Variants in PARP1 observed in about 807,000 individuals in gnomAD.
PARP1 encodes the protein poly [ADP-ribose] polymerase 1.
In PARP1, 44 loss-of-function variants were observed where a neutral mutation model predicts 118.7. The ratio of observed to expected loss-of-function variants is 0.37; its 90% CI spans 0.29 to 0.48. PARP1 has a LOEUF of 0.48. Ranked by LOEUF, PARP1 falls within the 20% of genes least tolerant of loss-of-function variation. The pLI, the probability that PARP1 is intolerant of heterozygous loss-of-function variation, is 0.99. For synonymous variants in PARP1, 492 were observed against 483.2 expected (o/e 1.02, Z -0.24); for missense variants, 1,100 against 1,272.4 (o/e 0.86, Z 2.06).
At position 226,382,890 on chromosome 1, in the gene PARP1, C is replaced by G. The variant is rs1664645473; in HGVS notation, c.1159+146G>C. On this transcript the variant is annotated intron_variant, in intron 8 of 22. Coordinates refer to ENST00000366794, the MANE Select transcript of PARP1 (RefSeq NM_001618.4). ...AACAAGCCAAGAGAAGAGGCCTATC[C>G]CCTGCAGGGCAAGGCTTCCCCATGG... 1.5e-5 allele frequency: 13 copies of G among 845,704 alleles called. No homozygotes were observed. The Admixed American group carries it at 2.5e-4, about 17-fold the overall frequency. The allele number at this position is 845,704 out of a possible 1,614,324, so 52.4% of individuals were successfully genotyped here. A position where few individuals can be genotyped will look rare whatever the true frequency, so the allele number is the denominator to read the frequency against.
In PARP1 at chr1:226,383,954, T is replaced by C. The variant is rs117768957; in HGVS notation, c.1012-771A>G. Among the ~76,000 whole-genome samples, 140 of 152,350 alleles carry C rather than the reference T, an allele frequency of 9.2e-4. 2 individuals carry two copies. In the East Asian group the frequency reaches 0.023, roughly 25 times the overall value. ...ACCACCTAATATGTGCTACCAACCATAGTCTGGTTAAAAAGACAGTTTCTG... is the reference window on the plus strand; with the variant it reads ...ACCACCTAATATGTGCTACCAACCACAGTCTGGTTAAAAAGACAGTTTCTG... On this transcript the variant is annotated intron_variant, in intron 7 of 22. Coordinates refer to ENST00000366794, the MANE Select transcript of PARP1 (RefSeq NM_001618.4).
chr1:226,371,026 ATGC>A (rs749305272), intron 14 of PARP1: 44 of 173,918 alleles, frequency 2.5e-4, no homozygotes, highest in Non-Finnish European at 4.5e-4. Context: ...ATTCAAATCA[ATGC>A]TGTCCCTTTC....
intron 1 of PARP1, among the ~76,000 whole-genome samples, chr1:226,407,396 G>A (rs1665170509): frequency 6.7e-6 from 1 of 149,102 alleles, no homozygotes; most frequent in Admixed American, 6.6e-5. Context: ...AAACCCACAT[G>A]TCAGTCGCCA....
At chr1:226,393,535 TAAA>T (rs2102742645) in intron 2 of PARP1, among the ~76,000 whole-genome samples, 1 of 152,144 alleles carries the variant, frequency 6.6e-6, no homozygotes, top group Admixed American at 6.5e-5. Context: ...TCCCCAGAAA[TAAA>T]AAGAACTAAT....
chr1:226,380,017 G>GC lies in PARP1; in HGVS notation c.1447dup (p.Ala483GlyfsTer9). 1 of 1,614,114 alleles carries GC rather than the reference G, an allele frequency of 6.2e-7. No homozygotes were observed. The highest frequency in any genetic ancestry group is 8.5e-7 in the Non-Finnish European group (1 of 1,180,020). Reference sequence around the variant, plus strand: ...TTCAACAGGCTCTGCCTTCACCTCTGCCCCCCAAGGGGACAAGATGTGCGC... The same window carrying GC: ...TTCAACAGGCTCTGCCTTCACCTCTGCCCCCCCAAGGGGACAAGATGTGCGC... On this transcript the variant is annotated frameshift_variant, in exon 10 of 23. Transcript: ENST00000366794. LOFTEE classifies it high-confidence loss of function.
At chr1:226,390,266 T>C (rs1664796983) in intron 4 of PARP1, 144 bp downstream of exon 4, 1 of 768,666 alleles carries the variant, frequency 1.3e-6, no homozygotes, top group Admixed American at 2.0e-5. Flanking sequence ...ATCTCTGCTG[T>C]CACCATTCCT....
At chr1:226,401,899 T>G in intron 2 of PARP1, 2 of 1,177,874 alleles carry the variant, frequency 1.7e-6, no homozygotes, top group Non-Finnish European at 2.3e-6. Context: ...GCCTGTGTGG[T>G]GGGAGGGGGA....
intron 15 of PARP1, 52 bp downstream of exon 15, chr1:226,370,382 C>T (rs1664356312): frequency 1.5e-6 from 2 of 1,359,584 alleles, no homozygotes; most frequent in Non-Finnish European, 2.1e-6. Flanking sequence ...GTCTCACCCC[C>T]TAAGTCGGCC....
chr1:226,365,278 T>G (rs1266866992), intron 18 of PARP1, 124 bp from the exon 19 acceptor site: 2 of 1,078,306 alleles, frequency 1.9e-6, no homozygotes, highest in African/African-American at 1.6e-5. Context: ...ACTTAAGGTC[T>G]GCTGCAATGT....
At chr1:226,387,395 C>T (rs1015013496) in intron 5 of PARP1, among the ~76,000 whole-genome samples, 1 of 152,172 alleles carries the variant, frequency 6.6e-6, no homozygotes, top group Admixed American at 6.5e-5. Context: ...GCAAGTTATT[C>T]GCCATCTCTG....
chr1:226,368,901 T>G (rs1167494626), intron 15 of PARP1, among the ~76,000 whole-genome samples: 1 of 152,174 alleles, frequency 6.6e-6, no homozygotes, highest in Admixed American at 6.5e-5. Context: ...TGCACAGAGA[T>G]GGAAGAGCGG....
At chr1:226,370,639 T>C in intron 14 of PARP1, 122 bp from the exon 15 acceptor site, 1 of 785,596 alleles carries the variant, frequency 1.3e-6, no homozygotes, top group Non-Finnish European at 2.2e-6. Context: ...TGCTGGGATT[T>C]CCTGAGGACA....
intron 4 of PARP1, among the ~76,000 whole-genome samples, chr1:226,390,127 C>T (rs1664793768): frequency 6.6e-6 from 1 of 152,124 alleles, no homozygotes; most frequent in Admixed American, 6.6e-5. Context: ...TGTAGTTAGC[C>T]TGTCCATGGA....
chr1:226,373,512 G>A (rs1408859507), intron 14 of PARP1, among the ~76,000 whole-genome samples: 1 of 152,164 alleles, frequency 6.6e-6, no homozygotes, highest in Non-Finnish European at 1.5e-5. Flanking sequence ...CCGCCCTTTT[G>A]CACTCATCTC....
At chr1:226,404,227 A>C (rs1665093512) in intron 1 of PARP1, among the ~76,000 whole-genome samples, 2 of 152,238 alleles carry the variant, frequency 1.3e-5, no homozygotes, top group South Asian at 2.1e-4. Flanking sequence ...GATGGAACAA[A>C]AAAGGAAGGA....
intron 8 of PARP1, among the ~76,000 whole-genome samples, chr1:226,381,452 C>T (rs1014731272): frequency 7.9e-5 from 12 of 152,228 alleles, no homozygotes; most frequent in African/African-American, 1.2e-4. Context: ...GCCAGCCTCG[C>T]GGCGTGAGCC....
chr1:226,388,565 T>A, intron 5 of PARP1, 91 bp downstream of exon 5: 1 of 898,082 alleles, frequency 1.1e-6, no homozygotes, highest in Admixed American at 1.7e-5. Flanking sequence ...TCTTAATAAG[T>A]GGGACACAAC....
At chr1:226,375,471 C>G (rs1160932470) in intron 13 of PARP1, among the ~76,000 whole-genome samples, 1 of 152,188 alleles carries the variant, frequency 6.6e-6, no homozygotes, top group Non-Finnish European at 1.5e-5. Context: ...TTCCAGCCCA[C>G]GCACAGGACG....
At chr1:226,365,243 G>T in intron 18 of PARP1, 89 bp from the exon 19 acceptor site, 1 of 1,400,974 alleles carries the variant, frequency 7.1e-7, no homozygotes, top group Non-Finnish European at 1.0e-6. Context: ...CACGAGAAAT[G>T]ACCGGCTGTC....
Sources: gnomAD v4.1 joint callset for allele counts (sites outside exome capture counted in the v4.1 genomes callset) on GRCh38, gnomAD v4.1.1 for gene constraint, MANE v1.5 for transcripts, NCBI Gene and HGNC (gene_info 2026-07-23, HGNC 2026-07-21) for gene names.